ETFB: variants seen among roughly 807,000 people sequenced by gnomAD.
The protein encoded by ETFB is beta-ETF.
A neutral mutation model predicts 25.6 loss-of-function variants in ETFB; 20 were observed. The observed-to-expected ratio is 0.78, with a 90% CI of 0.55 to 1.14. ETFB has a LOEUF of 1.14. Ranked by LOEUF, ETFB falls within the 50% of genes most tolerant of loss-of-function variation. ETFB has a pLI of 0.00. For synonymous variants in ETFB, 142 were observed against 146.7 expected, an observed-to-expected ratio of 0.97 and a Z score of 0.23; for missense variants, 286 against 342.6, an observed-to-expected ratio of 0.83 and a Z score of 1.30.
At chr19:51,365,765 A>G (rs1200305745) in intron 1 of ETFB, among the ~76,000 whole-genome samples, 1 of 152,160 alleles carries the variant, frequency 6.6e-6, no homozygotes, top group Non-Finnish European at 1.5e-5. Flanking sequence ...CTCCTGGCTC[A>G]CCCTGTGGCT....
intron 1 of ETFB, among the ~76,000 whole-genome samples, chr19:51,362,869 G>A (rs934747146): frequency 3.3e-5 from 5 of 152,104 alleles, no homozygotes; most frequent in East Asian, 1.9e-4. Context: ...CAGAAGGGGC[G>A]ACAGACACCA....
chr19:51,354,636 C>T (rs1207422565), intron 1 of ETFB: 3 of 1,607,764 alleles, frequency 1.9e-6, no homozygotes, highest in Non-Finnish European at 2.5e-6. Flanking sequence ...GTGAGAGGTA[C>T]ATTTTACTGT....
Position 51,345,351 on chromosome 19 carries a change from T to C in ETFB, c.628A>G (p.Lys210Glu), listed in dbSNP as rs2123567772. 6.2e-7 allele frequency: 1 copy of C among 1,614,118 alleles called. No homozygotes were observed. Among genetic ancestry groups the C allele is most frequent in the East Asian group, 2.2e-5 (1 of 44,878 alleles). Reference sequence around the variant, plus strand: ...AGGTCCACACCCAGGTCCCCAGGCTTGATCACCTCGATCTTCTTCTTCTTG... The same window carrying C: ...AGGTCCACACCCAGGTCCCCAGGCTCGATCACCTCGATCTTCTTCTTCTTG... Reference protein sequence around the residue: ...KAKKKKIEVIKPGDLGVDLTS... With the variant: ...KAKKKKIEVIEPGDLGVDLTS... The change falls in exon 6 of 6, where the codon AAG becomes GAG. Residue 210 changes from lysine (K) to glutamate (E), a missense_variant. Physicochemically the swap from Lys to Glu is moderately conservative, Grantham distance 56 (BLOSUM62 1). Coordinates refer to ENST00000309244, the MANE Select transcript of ETFB (RefSeq NM_001985.3).
intron 1 of ETFB, among the ~76,000 whole-genome samples, chr19:51,363,358 T>C (rs1477863247): frequency 1.3e-5 from 2 of 152,190 alleles, no homozygotes; most frequent in Non-Finnish European, 2.9e-5. Context: ...ATCTAGGGAC[T>C]GCAGAAGCCC....
At chr19:51,357,293 T>G (rs1599844763) in intron 1 of ETFB, among the ~76,000 whole-genome samples, 1 of 149,028 alleles carries the variant, frequency 6.7e-6, no homozygotes, top group Non-Finnish European at 1.5e-5. Context: ...AGGCTGGTCT[T>G]GAACTCCTGA....
intron 3 of ETFB, among the ~76,000 whole-genome samples, chr19:51,352,658 A>AGGAGTGCAGTGGTGCCT (rs573515091): frequency 1.4e-4 from 21 of 152,044 alleles, no homozygotes; most frequent in African/African-American, 4.6e-4. Context: ...GCTCCCAGGC[A>AGGAGTGCAGTGGTGCCT]GGAGTGCAGT....
At chr19:51,358,904 C>T (rs866555103) in intron 1 of ETFB, among the ~76,000 whole-genome samples, 12 of 151,352 alleles carry the variant, frequency 7.9e-5, no homozygotes, top group African/African-American at 2.7e-4. Context: ...GAGGCTGAGG[C>T]GGGAGGATCA....
At chr19:51,358,834 A>C (rs12977924) in intron 1 of ETFB, among the ~76,000 whole-genome samples, 71,156 of 116,150 alleles carry the variant, frequency 0.61, 18,358 homozygotes, top group Non-Finnish European at 0.66. Flanking sequence ...ACAACAACAA[A>C]AAAAAAAAAA....
chr19:51,353,355 A>G, intron 2 of ETFB, 65 bp from the exon 3 acceptor site: 1 of 1,590,664 alleles, frequency 6.3e-7, no homozygotes, highest in Non-Finnish European at 8.6e-7. Flanking sequence ...TCTGGCTCGC[A>G]GCCCCTCCTT....
chr19:51,345,385 C>A lies in ETFB; in HGVS notation c.598-4G>T. The A allele has an allele frequency of 2.5e-6, 4 of 1,613,982 alleles. No individual in the cohort carries two copies. The highest frequency in any genetic ancestry group is 3.4e-6 in the Non-Finnish European group (4 of 1,179,882). ...CGATCTTCTTCTTCTTGGCTTTCTGCACATGGGAAGCCATTGTTCACAGGG... is the reference window on the plus strand; with the variant it reads ...CGATCTTCTTCTTCTTGGCTTTCTGAACATGGGAAGCCATTGTTCACAGGG... On this transcript the variant is annotated splice_polypyrimidine_tract_variant and splice_region_variant and intron_variant, in intron 5 of 5. Coordinates refer to ENST00000309244, the MANE Select transcript of ETFB (RefSeq NM_001985.3).
intron 3 of ETFB, among the ~76,000 whole-genome samples, chr19:51,350,952 G>A (rs1333607995): frequency 1.3e-5 from 2 of 152,232 alleles, no homozygotes; most frequent in East Asian, 1.9e-4. Flanking sequence ...ATCAGAGGTC[G>A]CTCTGGGCCA....
chr19:51,353,474 C>T (rs3889314), intron 2 of ETFB, among the ~76,000 whole-genome samples, 184 bp from the exon 3 acceptor site: 1,386 of 21,664 alleles, frequency 0.064, 243 homozygotes, highest in Middle Eastern at 0.23. Flanking sequence ...CCATCCCCTC[C>T]TTCCTCAGAC....
intron 3 of ETFB, 112 bp downstream of exon 3, chr19:51,353,020 G>A: frequency 7.6e-7 from 1 of 1,310,234 alleles, no homozygotes; most frequent in Non-Finnish European, 1.1e-6. Context: ...TGCTCAGCCT[G>A]GAGTGGTGAA....
At chr19:51,347,815 G>A (rs12975011) in intron 4 of ETFB, 58,289 of 152,066 alleles carry the variant, frequency 0.38, 12,291 homozygotes, top group Non-Finnish European at 0.48. Context: ...CTGTGAACAC[G>A]ACCAGTGAAG....
chr19:51,366,254 A>AG lies in ETFB; in HGVS notation c.57+15dup, dbSNP rs1331782914. 1.2e-6 allele frequency: 2 copies of AG among 1,612,974 alleles called. No individual in the cohort carries two copies. The highest frequency in any genetic ancestry group is 1.7e-6 in the Non-Finnish European group (2 of 1,179,374). On this transcript the variant is annotated intron_variant, in intron 1 of 5. Transcript: ENST00000309244. ...GCTGCGGGACTCAGGGATGTGGGAGAGGGGGGCCCGATCACCTTCACGGCG... is the reference window on the plus strand; with the variant it reads ...GCTGCGGGACTCAGGGATGTGGGAGAGGGGGGGCCCGATCACCTTCACGGCG...
chr19:51,362,011 G>A (rs942481743), intron 1 of ETFB, among the ~76,000 whole-genome samples: 1 of 151,918 alleles, frequency 6.6e-6, no homozygotes, highest in Non-Finnish European at 1.5e-5. Flanking sequence ...CTTTCTCCTG[G>A]GGTCTTGAAA....
intron 3 of ETFB, 52 bp from the exon 4 acceptor site, chr19:51,350,443 C>A: frequency 1.1e-6 from 1 of 952,030 alleles, no homozygotes. Flanking sequence ...GCTCATGGAC[C>A]ATTCAGGCCT....
chr19:51,345,631 T>C lies in ETFB; in HGVS notation c.598-250A>G, dbSNP rs141828129. ...TTTAGGTAACCAAATCAGGAAGCCC[T>C]TCACTGGCTGCAACAGAGTGGCAAA... On this transcript the variant is annotated intron_variant, in intron 5 of 5. Transcript: ENST00000309244. The C allele has an allele frequency of 5.7e-3, 3,175 of 552,892 alleles. 34 individuals are homozygous for C. The highest frequency in any genetic ancestry group is 0.026 in the South Asian group (1,297 of 50,396). The allele number at this position is 552,892 out of a possible 1,614,324, so 34.2% of individuals were successfully genotyped here.
chr19:51,361,552 G>T (rs188042601), intron 1 of ETFB, among the ~76,000 whole-genome samples: 2 of 152,270 alleles, frequency 1.3e-5, no homozygotes, highest in East Asian at 1.9e-4. Context: ...AACACCAGGC[G>T]CTCCCAGACG....
Sources: gnomAD v4.1 joint callset for allele counts (sites outside exome capture counted in the v4.1 genomes callset) on GRCh38, gnomAD v4.1.1 for gene constraint, MANE v1.5 for transcripts, NCBI Gene and HGNC (gene_info 2026-07-23, HGNC 2026-07-21) for gene names.